The following OR10AG1 variants were observed in gnomAD, a reference collection of about 807,000 sequenced individuals.
The protein encoded by OR10AG1 is olfactory receptor 10AG1.
For synonymous variants in OR10AG1, 147 were observed against 128.6 expected, an observed-to-expected ratio of 1.14 and a Z score of -0.97; for missense variants, 433 against 376.5, an observed-to-expected ratio of 1.15 and a Z score of -1.24.
rs1852707909 is a variant in OR10AG1, at chr11:55,968,107, C to A, written c.417G>T (p.Lys139Asn). 1 of 1,613,862 alleles carries A rather than the reference C, an allele frequency of 6.2e-7. No homozygotes were observed. The highest frequency in any genetic ancestry group is 1.3e-5 in the African/African-American group (1 of 74,826). The change falls in exon 2 of 2, where the codon AAG (lysine) becomes AAT (asparagine). Residue 139 changes from lysine (K) to asparagine (N), a missense_variant. Physicochemically the swap from Lys to Asn is moderately conservative, Grantham distance 94. Coordinates refer to ENST00000641071, the MANE Select transcript of OR10AG1 (RefSeq NM_001005491.2). ...MAYDRYVAIC[K>N]PLQYPLVMNH... ...TCATCACTAGAGGATACTGCAAAGG[C>A]TTACAAATAGCCACGTAGCGGTCAT...
rs1173595125 is a variant in OR10AG1 at position 55,966,802 on chromosome 11, C to T, written c.*756G>A. On this transcript the variant is annotated 3_prime_UTR_variant, in exon 2 of 2. Transcript: ENST00000641071. ...TTCATGTGCAACCTAAATCATGGTA[C>T]TTTCATTTACAATCTTTAGCTTCAC... The T allele has an allele frequency of 6.6e-6, 1 of 152,054 alleles. No individual in the cohort carries two copies. The highest frequency in any genetic ancestry group is 2.4e-5 in the African/African-American group (1 of 41,352). 9.4% of individuals were successfully genotyped at this position (152,054 alleles called of 1,614,324 possible).
chr11:55,968,471 G>A lies in OR10AG1; in HGVS notation c.53C>T (p.Thr18Ile), dbSNP rs747313846. The change falls in exon 2 of 2, where the codon ACT becomes ATT. Residue 18 changes from threonine (T) to isoleucine (I), a missense_variant. Thr to Ile is a moderately conservative substitution (Grantham distance 89). Transcript: ENST00000641071. ...CAAAAGAACAAATTCCATTATTGTA[G>A]TCACATTTGATTTTTCTCTTTTAGT... ...EQTKREKSNV[T>I]TIMEFVLLGF... 1.6e-5 allele frequency: 24 copies of A among 1,523,966 alleles called. No homozygotes were observed. Among genetic ancestry groups the A allele is most frequent in the Non-Finnish European group, 2.1e-5 (24 of 1,132,894 alleles). The allele number at this position is 1,523,966 out of a possible 1,614,324, so 94.4% of individuals were successfully genotyped here.
intron 1 of OR10AG1, 50 bp from the exon 2 acceptor site, chr11:55,968,557 A>C (rs1336502934): frequency 1.2e-6 from 1 of 810,134 alleles, no homozygotes; most frequent in Non-Finnish European, 2.0e-6. Context: ...ATTTTGAACA[A>C]TATTTTCCTC....
In OR10AG1 at chr11:55,967,510, C is replaced by T. The variant is rs1490724759; in HGVS notation, c.*48G>A. On this transcript the variant is annotated 3_prime_UTR_variant, in exon 2 of 2. Transcript: ENST00000641071. ...GTTAAAAAAAAATTCACTGAAGCCA[C>T]ATGACAAACCTATAAAGAAATTATT... is the stretch of plus-strand genomic sequence containing the variant. 4 of 1,268,198 alleles carry T rather than the reference C, an allele frequency of 3.2e-6. No individual in the cohort carries two copies. Among genetic ancestry groups the T allele is most frequent in the Non-Finnish European group, 3.3e-6 (3 of 909,500 alleles). 78.6% of individuals were successfully genotyped at this position (1,268,198 alleles called of 1,614,324 possible). A position where few individuals can be genotyped will look rare whatever the true frequency, so the allele number is the denominator to read the frequency against.
In OR10AG1 at chr11:55,968,195, G is replaced by C. The variant is rs368260752; in HGVS notation, c.329C>G (p.Thr110Arg). 6.2e-7 allele frequency: 1 copy of C among 1,613,908 alleles called. No individual in the cohort carries two copies. Among genetic ancestry groups the C allele is most frequent in the Non-Finnish European group, 8.5e-7 (1 of 1,179,968 alleles). ...AAGCATAAGAAAAAAACACATTTGT[G>C]TAGCACAAGCAAACAAAGAAATATT... Reference protein sequence around the residue: ...KGNISLFACATQMCFFLMLGG... With the variant: ...KGNISLFACARQMCFFLMLGG... Residue 110 changes from threonine to arginine, a missense_variant, in exon 2 of 2, where the codon ACA becomes AGA. Transcript: ENST00000641071.
Position 55,967,871 on chromosome 11 carries a change from A to G in OR10AG1, c.653T>C (p.Ile218Thr). Reference sequence around the variant, plus strand: ...AACAATCAACAGAAATGGCACCGTGATAAACACCACCGCTACTACATGGAC... The same window carrying G: ...AACAATCAACAGAAATGGCACCGTGGTAAACACCACCGCTACTACATGGAC... ...ITVHVVAVVF[I>T]TVPFLLIVVS... is the part of the protein sequence containing the mutation. Residue 218 changes from isoleucine (I) to threonine (T), a missense_variant, in exon 2 of 2, where the codon ATC becomes ACC. Transcript: ENST00000641071. The G allele has an allele frequency of 6.2e-7, 1 of 1,614,130 alleles. No homozygotes were observed. The highest frequency in any genetic ancestry group is 1.1e-5 in the South Asian group (1 of 91,078).
Position 55,967,009 on chromosome 11 carries a change from C to T in OR10AG1, c.*549G>A, listed in dbSNP as rs61895258. 3.3e-5 allele frequency: 5 copies of T among 151,950 alleles called. No homozygotes were observed. The highest frequency in any genetic ancestry group is 1.9e-4 in the East Asian group (1 of 5,190). The allele number at this position is 151,950 out of a possible 1,614,324, so 9.4% of individuals were successfully genotyped here. On this transcript the variant is annotated 3_prime_UTR_variant, in exon 2 of 2. Coordinates refer to ENST00000641071, the MANE Select transcript of OR10AG1 (RefSeq NM_001005491.2). ...AGGAAAGAAAATATGTTATCAGAGACGAGTAAGATGTAGGCAGTTAGAGGA... is the reference window on the plus strand; with the variant it reads ...AGGAAAGAAAATATGTTATCAGAGATGAGTAAGATGTAGGCAGTTAGAGGA...
Position 55,968,261 on chromosome 11 carries a change from A to C in OR10AG1, c.263T>G (p.Ile88Ser), listed in dbSNP as rs768438536. 6.8e-6 allele frequency: 11 copies of C among 1,613,386 alleles called. No individual in the cohort carries two copies. The highest frequency in any genetic ancestry group is 1.3e-5 in the African/African-American group (1 of 74,834). The change falls in exon 2 of 2, where the codon ATT (isoleucine) becomes AGT (serine). Residue 88 changes from isoleucine (I) to serine (S), a missense_variant. By Grantham distance (142) the Ile-to-Ser change is moderately radical (BLOSUM62 -2). Coordinates refer to ENST00000641071, the MANE Select transcript of OR10AG1 (RefSeq NM_001005491.2). ...AATGTCCATGAGCATTCTTGGGATA[A>C]TGATTGTTACATAACAGATTTCCAA... ...SLLEICYVTI[I>S]IPRMLMDIWT...
In OR10AG1 at chr11:55,968,446, C is replaced by G; in HGVS notation, c.78G>C (p.Leu26Phe). The G allele has an allele frequency of 1.3e-6, 2 of 1,558,064 alleles. No homozygotes were observed. The highest frequency in any genetic ancestry group is 1.7e-6 in the Non-Finnish European group (2 of 1,154,128). ...GGAGATTGGGAATATCAGAAAACCC[C>G]AAAAGAACAAATTCCATTATTGTAG... ...NVTTIMEFVL[L>F]GFSDIPNLHW... Residue 26 changes from leucine (L) to phenylalanine (F), a missense_variant, in exon 2 of 2, where the codon TTG becomes TTC. Coordinates refer to ENST00000641071, the MANE Select transcript of OR10AG1 (RefSeq NM_001005491.2).
rs1034738766 is a variant in OR10AG1 at position 55,966,065 on chromosome 11, G to T, written c.*1493C>A. On this transcript the variant is annotated 3_prime_UTR_variant, in exon 2 of 2. Coordinates refer to ENST00000641071, the MANE Select transcript of OR10AG1 (RefSeq NM_001005491.2). ...CAGTTCTGAGACATTATCTTGAGAG[G>T]CTGTGCATTACTGTAAGGTAAAGAT... 1 of 151,836 alleles carries T rather than the reference G, an allele frequency of 6.6e-6. No individual in the cohort carries two copies. Among genetic ancestry groups the T allele is most frequent in the Admixed American group, 6.6e-5 (1 of 15,246 alleles). The allele number at this position is 151,836 out of a possible 1,614,324, so 9.4% of individuals were successfully genotyped here.
chr11:55,968,426 T>C lies in OR10AG1; in HGVS notation c.98A>G (p.Asn33Ser), dbSNP rs764583696. 1.1e-5 allele frequency: 17 copies of C among 1,574,328 alleles called. No homozygotes were observed. In the African/African-American group the frequency reaches 1.1e-4, roughly 10 times the overall value. ...FVLLGFSDIP[N>S]LHWMLFSIFL... ...TATACTAAAAAGCATCCAGTGGAGA[T>C]TGGGAATATCAGAAAACCCCAAAAG... Residue 33 changes from asparagine (N) to serine (S), a missense_variant, in exon 2 of 2, where the codon AAT (asparagine) becomes AGT (serine). By Grantham distance (46) the Asn-to-Ser change is conservative. Coordinates refer to ENST00000641071, the MANE Select transcript of OR10AG1 (RefSeq NM_001005491.2).
In OR10AG1 at chr11:55,968,011, T is replaced by C. The variant is rs1852706794; in HGVS notation, c.513A>G (p.Thr171=). Residue 171 remains threonine (T), a synonymous_variant, in exon 2 of 2, where the codon ACA becomes ACG. Transcript: ENST00000641071. The part of the protein sequence containing the change: ...TITIPVVIGE[T]CQIFLLPFCG... ...AAAAGGGCAAAAGGAAAATTTGGCA[T>C]GTTTCCCCAATTACTACAGGAATTG... 3 of 1,614,028 alleles carry C rather than the reference T, an allele frequency of 1.9e-6. No individual in the cohort carries two copies. The highest frequency in any genetic ancestry group is 2.5e-6 in the Non-Finnish European group (3 of 1,179,978).
At position 55,967,405 on chromosome 11, in the gene OR10AG1, C is replaced by A; in HGVS notation, c.*153G>T. ...CTGCACAGTAGCACATAACTATATT[C>A]TGTGAATAAAACACCCCTTGACATA... On this transcript the variant is annotated 3_prime_UTR_variant, in exon 2 of 2. Transcript: ENST00000641071. 1 of 579,598 alleles carries A rather than the reference C, an allele frequency of 1.7e-6. No individual in the cohort carries two copies. Among genetic ancestry groups the A allele is most frequent in the South Asian group, 2.2e-5 (1 of 44,688 alleles). The allele number at this position is 579,598 out of a possible 1,614,324, so 35.9% of individuals were successfully genotyped here.
chr11:55,966,259 A>G lies in OR10AG1; in HGVS notation c.*1299T>C, dbSNP rs1407700595. 1 of 132,482 alleles carries G rather than the reference A, an allele frequency of 7.5e-6. No homozygotes were observed. The highest frequency in any genetic ancestry group is 2.7e-5 in the African/African-American group (1 of 36,866). The allele number at this position is 132,482 out of a possible 1,614,324, so 8.2% of individuals were successfully genotyped here. ...TCAAATTTCATTGATTTAGCTTGTA[A>G]AGTAAGAAGAATATATATATATATA... is the stretch of plus-strand genomic sequence containing the variant. On this transcript the variant is annotated 3_prime_UTR_variant, in exon 2 of 2. Coordinates refer to ENST00000641071, the MANE Select transcript of OR10AG1 (RefSeq NM_001005491.2).
rs1303760122 is a variant in OR10AG1 at position 55,968,524 on chromosome 11, T to C, written c.17-17A>G. On this transcript the variant is annotated splice_polypyrimidine_tract_variant and intron_variant, in intron 1 of 1. Transcript: ENST00000641071. Reference sequence around the variant, plus strand: ...GCTCTCCATCTGCAGATATAGCAAATTCAAGACAGTTAATTCATCCATATT... The same window carrying C: ...GCTCTCCATCTGCAGATATAGCAAACTCAAGACAGTTAATTCATCCATATT... 1.9e-6 allele frequency: 2 copies of C among 1,027,936 alleles called. No homozygotes were observed. The highest frequency in any genetic ancestry group is 1.6e-5 in the South Asian group (1 of 62,202). 63.7% of individuals were successfully genotyped at this position (1,027,936 alleles called of 1,614,324 possible). A position where few individuals can be genotyped will look rare whatever the true frequency, so the allele number is the denominator to read the frequency against.
At position 55,966,298 on chromosome 11, in the gene OR10AG1, T is replaced by A. The variant is rs1427207309; in HGVS notation, c.*1260A>T. On this transcript the variant is annotated 3_prime_UTR_variant, in exon 2 of 2. Coordinates refer to ENST00000641071, the MANE Select transcript of OR10AG1 (RefSeq NM_001005491.2). ...TATATATATATATATATATTTTTTT[T>A]TTTAAACAGAAGTCAATTTACTGCC... The A allele has an allele frequency of 2.7e-5, 4 of 149,224 alleles. No individual in the cohort carries two copies. The highest frequency in any genetic ancestry group is 6.7e-5 in the Admixed American group (1 of 15,000). 9.2% of individuals were successfully genotyped at this position (149,224 alleles called of 1,614,324 possible). A position where few individuals can be genotyped will look rare whatever the true frequency, so the allele number is the denominator to read the frequency against.
rs1852686718 is a variant in OR10AG1 at position 55,966,238 on chromosome 11, A to G, written c.*1320T>C. On this transcript the variant is annotated 3_prime_UTR_variant, in exon 2 of 2. Coordinates refer to ENST00000641071, the MANE Select transcript of OR10AG1 (RefSeq NM_001005491.2). ...AAATATATTACCTCTACAAGATCAAATTTCATTGATTTAGCTTGTAAAGTA... is the reference window on the plus strand; with the variant it reads ...AAATATATTACCTCTACAAGATCAAGTTTCATTGATTTAGCTTGTAAAGTA... 1 of 149,872 alleles carries G rather than the reference A, an allele frequency of 6.7e-6. No individual in the cohort carries two copies. The highest frequency in any genetic ancestry group is 6.7e-5 in the Admixed American group (1 of 14,896). The allele number at this position is 149,872 out of a possible 1,614,324, so 9.3% of individuals were successfully genotyped here.
At chr11:55,969,800 T>G in intron 1 of OR10AG1, 92 bp downstream of exon 1, 1 of 397,572 alleles carries the variant, frequency 2.5e-6, no homozygotes, top group Non-Finnish European at 4.4e-6. Flanking sequence ...GTCTCAAAAT[T>G]TCATGCTTTT....
At chr11:55,969,748 G>A in intron 1 of OR10AG1, 144 bp downstream of exon 1, 1 of 393,126 alleles carries the variant, frequency 2.5e-6, no homozygotes, top group East Asian at 3.6e-5. Context: ...GTAGTGAAGA[G>A]ATACATGATT....
Sources: gnomAD v4.1 joint callset for allele counts on GRCh38, gnomAD v4.1.1 for gene constraint, MANE v1.5 for transcripts, NCBI Gene and HGNC (gene_info 2026-07-23, HGNC 2026-07-21) for gene names.